Variants in COLQ observed in about 807,000 individuals in gnomAD.
COLQ encodes acetylcholinesterase collagenic tail peptide.
In COLQ, 48 loss-of-function variants were observed where a neutral mutation model predicts 69.0. That is an observed-to-expected ratio of 0.70 (90% CI 0.55 to 0.88). The LOEUF (loss-of-function observed/expected upper bound fraction) is 0.88. COLQ is among the 40% of genes least tolerant of loss of function. The pLI is 0.00. For missense variants in COLQ, 618 were observed against 594.6 expected (o/e 1.04, Z -0.41); for synonymous variants, 217 against 211.2 (o/e 1.03, Z -0.24).
At chr3:15,502,296 T>C (rs180716552) in intron 1 of COLQ, among the ~76,000 whole-genome samples, 328 of 152,166 alleles carry the variant, frequency 2.2e-3, no homozygotes, top group African/African-American at 7.6e-3. Context: ...TTTGTATTTT[T>C]AGTAGAGATG....
rs760669036 is a variant in COLQ at position 15,470,547 on chromosome 3, G to C, written c.706C>G (p.Arg236Gly). The C allele has an allele frequency of 6.2e-7, 1 of 1,613,894 alleles. No individual in the cohort carries two copies. Among genetic ancestry groups the C allele is most frequent in the Non-Finnish European group, 8.5e-7 (1 of 1,180,024 alleles). The change falls in exon 11 of 17, where the codon CGA becomes GGA. Residue 236 changes from arginine (R) to glycine (G), a missense_variant. Physicochemically the swap from Arg to Gly is moderately radical, Grantham distance 125 (BLOSUM62 -2). Coordinates refer to ENST00000383788, the MANE Select transcript of COLQ (RefSeq NM_005677.4). ...HRGPTGRPGK[R>G]GKQGQKGDSG... is the part of the protein sequence containing the mutation. ...CCTGGGATCCTTACCTGCTTGCCTCGTTTTCCTGGTCTTCCTGTGGGTCCT... is the reference window on the plus strand; with the variant it reads ...CCTGGGATCCTTACCTGCTTGCCTCCTTTTCCTGGTCTTCCTGTGGGTCCT...
intron 11 of COLQ, chr3:15,467,623 A>T (rs2062218326): frequency 3.0e-6 from 1 of 331,274 alleles, no homozygotes; most frequent in South Asian, 2.3e-5. Flanking sequence ...CCCGAAACCA[A>T]GGCTGGTGCA....
chr3:15,456,575 A>G lies in COLQ; in HGVS notation c.959T>C (p.Phe320Ser). The change falls in exon 14 of 17, where the codon TTT (phenylalanine) becomes TCT (serine). Residue 320 changes from phenylalanine to serine, a missense_variant. Transcript: ENST00000383788. ...GPSSPRVPVIFVVNNQEELER... is the reference protein window; with the variant it reads ...GPSSPRVPVISVVNNQEELER... ...AAGCTCCTCCTGGTTGTTGACCACA[A>G]AAATCTGCCAGAGAACACACTGGTG... 2 of 1,614,068 alleles carry G rather than the reference A, an allele frequency of 1.2e-6. No homozygotes were observed.
rs1251683000 is a variant in COLQ at position 15,466,341 on chromosome 3, C to T, written c.814G>A (p.Gly272Arg). The T allele has an allele frequency of 1.2e-6, 2 of 1,612,362 alleles. No homozygotes were observed. The highest frequency in any genetic ancestry group is 1.1e-5 in the South Asian group (1 of 91,008). ...TCAAGTGAAGCAGTGTAGCTCTTACCTGCAGGTGGGGGGCCTGGGGGCCCC... is the reference window on the plus strand; with the variant it reads ...TCAAGTGAAGCAGTGTAGCTCTTACTTGCAGGTGGGGGGCCTGGGGGCCCC... ...RPGPPGPPPA[G>R]QLIMGPKGER... is the part of the protein sequence containing the mutation. Residue 272 changes from glycine (G) to arginine (R), a missense_variant and splice_region_variant, in exon 12 of 17, where the codon GGA becomes AGA. Coordinates refer to ENST00000383788, the MANE Select transcript of COLQ (RefSeq NM_005677.4).
intron 8 of COLQ, 32 bp downstream of exon 8, chr3:15,474,893 G>C (rs1398952710): frequency 1.1e-5 from 18 of 1,613,492 alleles, no homozygotes; most frequent in Non-Finnish European, 1.5e-5. Context: ...CCCAGACCAG[G>C]CTCTAGGACA....
At chr3:15,518,665 G>A (rs368912325) in intron 1 of COLQ, among the ~76,000 whole-genome samples, 2 of 152,316 alleles carry the variant, frequency 1.3e-5, no homozygotes, top group South Asian at 2.1e-4. Context: ...CAGTGAAGGA[G>A]TGGATTATCT....
At chr3:15,494,673 C>T (rs191803861) in intron 1 of COLQ, among the ~76,000 whole-genome samples, 9 of 152,230 alleles carry the variant, frequency 5.9e-5, no homozygotes, top group South Asian at 4.2e-4. Context: ...TCCTTGACTT[C>T]CCAGGCAAGA....
rs2062200994 is a variant in COLQ, at chr3:15,466,387, A to G, written c.768T>C (p.Pro256=). The change falls in exon 12 of 17, where the codon CCT becomes CCC. Residue 256 remains proline, a synonymous_variant. Transcript: ENST00000383788. The part of the protein sequence containing the change: ...GVMGPPGKPG[P]SGQPGRPGPP... ...GCCCCGGACGGCCAGGTTGACCAGA[A>G]GGCCCAGGCTTGCCTGGTGGGCCCA... 1.2e-6 allele frequency: 2 copies of G among 1,614,026 alleles called. No individual in the cohort carries two copies. The highest frequency in any genetic ancestry group is 1.7e-6 in the Non-Finnish European group (2 of 1,180,048).
In COLQ at chr3:15,488,280, T is replaced by C. The variant is rs1575482990; in HGVS notation, c.247A>G (p.Met83Val). The change falls in exon 3 of 17, where the codon ATG becomes GTG. Residue 83 changes from methionine to valine, a missense_variant. Transcript: ENST00000383788. Reference protein sequence around the residue: ...PLLSPDMKNLMLELETSQSPC... With the variant: ...PLLSPDMKNLVLELETSQSPC... ...GACTGCGAGGTCTCCAGTTCCAGCA[T>C]GAGATTCTTCATGTCTGGGGAGAGA... 3.7e-6 allele frequency: 6 copies of C among 1,605,478 alleles called. No individual in the cohort carries two copies. Among genetic ancestry groups the C allele is most frequent in the Admixed American group, 3.3e-5 (2 of 59,924 alleles).
At chr3:15,521,019 C>A (rs564574381) in intron 1 of COLQ, among the ~76,000 whole-genome samples, 1 of 152,244 alleles carries the variant, frequency 6.6e-6, no homozygotes, top group Non-Finnish European at 1.5e-5. Flanking sequence ...TCACCCCCCA[C>A]CCCACCGGCC....
intron 1 of COLQ, among the ~76,000 whole-genome samples, chr3:15,496,006 C>A (rs967993078): frequency 6.6e-6 from 1 of 152,228 alleles, no homozygotes; most frequent in Admixed American, 6.5e-5. Flanking sequence ...AATATGCACT[C>A]ATCACCATTA....
chr3:15,510,626 C>T (rs2125178633), intron 1 of COLQ, among the ~76,000 whole-genome samples: 1 of 151,530 alleles, frequency 6.6e-6, no homozygotes, highest in Non-Finnish European at 1.5e-5. Flanking sequence ...TGGGAGGATC[C>T]CTTGAGCCCA....
At chr3:15,521,387 G>T in intron 1 of COLQ, 133 bp downstream of exon 1, 2 of 1,169,644 alleles carry the variant, frequency 1.7e-6, no homozygotes, top group Non-Finnish European at 2.5e-6. Context: ...CTGCTGGGGT[G>T]GCCGTCTTCC....
intron 1 of COLQ, among the ~76,000 whole-genome samples, chr3:15,517,019 G>A (rs947570964): frequency 1.3e-5 from 2 of 152,142 alleles, no homozygotes; most frequent in East Asian, 1.9e-4. Context: ...GCACGTGCCT[G>A]TACTCCTAGC....
Position 15,489,612 on chromosome 3 carries a change from C to A in COLQ, c.132G>T (p.Lys44Asn), listed in dbSNP as rs532869144. Residue 44 changes from lysine to asparagine, a missense_variant, in exon 2 of 17, where the codon AAG becomes AAT. Transcript: ENST00000383788. ...SAALPSLDQKKRGGHKACCLL... is the reference protein window; with the variant it reads ...SAALPSLDQKNRGGHKACCLL... ...GGCAGCATGCTTTGTGGCCACCACG[C>A]TTCTTCTGATCCAGGCTGGGAAGGG... is the stretch of plus-strand genomic sequence containing the variant. The A allele has an allele frequency of 1.2e-6, 2 of 1,614,024 alleles. No individual in the cohort carries two copies. Among genetic ancestry groups the A allele is most frequent in the East Asian group, 2.2e-5 (1 of 44,902 alleles).
chr3:15,503,960 A>G (rs561367387), intron 1 of COLQ, among the ~76,000 whole-genome samples: 1 of 152,214 alleles, frequency 6.6e-6, no homozygotes, highest in East Asian at 1.9e-4. Context: ...CGTCTTTCCA[A>G]TCAAACCCAA....
intron 1 of COLQ, among the ~76,000 whole-genome samples, chr3:15,507,438 G>A (rs1360010576): frequency 6.6e-6 from 1 of 152,146 alleles, no homozygotes; most frequent in Non-Finnish European, 1.5e-5. Flanking sequence ...ACAGTCTGAT[G>A]TTTGACCTCT....
intron 13 of COLQ, among the ~76,000 whole-genome samples, chr3:15,456,834 TG>T (rs1013209695): frequency 1.6e-4 from 9 of 54,662 alleles, no homozygotes; most frequent in African/African-American, 4.2e-4. Context: ...TTTTTTCTTT[TG>T]TTTTTGAGAT....
At position 15,463,291 on chromosome 3, in the gene COLQ, ACTC is replaced by A. The variant is rs773587232; in HGVS notation, c.814+3047_814+3049del. Among the ~76,000 whole-genome samples, 14 of 149,122 alleles carry A rather than the reference ACTC, an allele frequency of 9.4e-5. No individual in the cohort carries two copies. The East Asian group carries it at 2.2e-3, about 23-fold the overall frequency. ...CCACCAATCCCATTGCCCCTGGACT[ACTC>A]CTCAGTTTTTTTTGGTTTTGGTTTT... On this transcript the variant is annotated intron_variant, in intron 12 of 16. Transcript: ENST00000383788.
Sources: gnomAD v4.1 joint callset for allele counts (sites outside exome capture counted in the v4.1 genomes callset) on GRCh38, gnomAD v4.1.1 for gene constraint, MANE v1.5 for transcripts, NCBI Gene and HGNC (gene_info 2026-07-23, HGNC 2026-07-21) for gene names.